DZANK1: variants seen among roughly 807,000 people sequenced by gnomAD.
The protein encoded by DZANK1 is double zinc ribbon and ankyrin repeat domains 1.
DZANK1 carries 91 observed loss-of-function variants against 94.5 expected under a neutral mutation model. That is an observed-to-expected ratio of 0.96 (90% CI 0.81 to 1.15). The LOEUF (loss-of-function observed/expected upper bound fraction) is 1.15. DZANK1 is among the 50% of genes most tolerant of loss of function. The pLI is 0.00. For synonymous variants in DZANK1, 312 were observed against 325.3 expected (o/e 0.96, Z 0.44); for missense variants, 903 against 916.4 (o/e 0.99, Z 0.19).
chr20:18,443,764 T>C (rs775071276), intron 7 of DZANK1, among the ~76,000 whole-genome samples: 43 of 152,202 alleles, frequency 2.8e-4, no homozygotes, highest in Non-Finnish European at 6.0e-4. Flanking sequence ...GCTCGGGCTC[T>C]GGCTTGTCCT....
intron 3 of DZANK1, among the ~76,000 whole-genome samples, chr20:18,455,868 A>T (rs755029352): frequency 2.6e-5 from 4 of 152,186 alleles, no homozygotes; most frequent in Non-Finnish European, 5.9e-5. Context: ...AGGTAGTCAG[A>T]CTTCCTCCAT....
At chr20:18,427,345 G>T (rs947787887) in intron 9 of DZANK1, among the ~76,000 whole-genome samples, 186 bp from the exon 10 acceptor site, 53 of 146,542 alleles carry the variant, frequency 3.6e-4, no homozygotes, top group African/African-American at 7.2e-4. Flanking sequence ...GTTTTTTTGG[G>T]TTTTTTTTTT....
intron 10 of DZANK1, among the ~76,000 whole-genome samples, chr20:18,424,220 C>T (rs937259205): frequency 3.3e-5 from 5 of 152,088 alleles, no homozygotes; most frequent in African/African-American, 9.7e-5. Context: ...GAGGCCAAGG[C>T]GGGTGGATCA....
chr20:18,409,553 C>T (rs556429295), intron 13 of DZANK1, among the ~76,000 whole-genome samples: 513 of 50,614 alleles, frequency 0.01, 2 homozygotes, highest in African/African-American at 0.026. Context: ...AATATGAATA[C>T]ACACACACAC....
intron 17 of DZANK1, among the ~76,000 whole-genome samples, chr20:18,391,139 G>A (rs971790681): frequency 1.3e-5 from 2 of 152,080 alleles, no homozygotes; most frequent in Admixed American, 1.3e-4. Flanking sequence ...TGCAGTGAGC[G>A]GAGATCATAC....
chr20:18,453,082 T>G (rs2059161285), intron 5 of DZANK1, among the ~76,000 whole-genome samples: 3 of 152,224 alleles, frequency 2.0e-5, no homozygotes, highest in Non-Finnish European at 4.4e-5. Context: ...CAGCCCCCTC[T>G]TTGCATGCCT....
At chr20:18,388,140 G>C (rs79448609) in intron 19 of DZANK1, among the ~76,000 whole-genome samples, 3,014 of 152,240 alleles carry the variant, frequency 0.02, 111 homozygotes, top group African/African-American at 0.069. Flanking sequence ...CACTGGAAAG[G>C]AAGAAGAGAT....
rs1174685638 is a variant in DZANK1, at chr20:18,427,966, C to T, written c.862-807G>A. Among the ~76,000 whole-genome samples the T allele has an allele frequency of 5.3e-5, 8 of 151,520 alleles. No homozygotes were observed. In the South Asian group the frequency reaches 6.3e-4, roughly 12 times the overall value. On this transcript the variant is annotated intron_variant, in intron 9 of 20. Coordinates refer to ENST00000262547, the Ensembl canonical transcript of DZANK1. ...GAGATTGAGACCATCCTGGCTAACA[C>T]GGTGAAACCCCGTCTCTACTAAAAA... is the stretch of plus-strand genomic sequence containing the variant.
chr20:18,386,508 G>A (rs1369007659), intron 19 of DZANK1, among the ~76,000 whole-genome samples: 2 of 152,092 alleles, frequency 1.3e-5, no homozygotes, highest in Non-Finnish European at 2.9e-5. Flanking sequence ...ATGAGACTAT[G>A]AAAAAGAAAC....
At chr20:18,436,472 G>A (rs937522488) in intron 8 of DZANK1, among the ~76,000 whole-genome samples, 1 of 151,186 alleles carries the variant, frequency 6.6e-6, no homozygotes, top group Admixed American at 6.6e-5. Context: ...TCACCAGAGC[G>A]ACTCAACAGC....
At chr20:18,401,361 A>C (rs562824599) in intron 13 of DZANK1, among the ~76,000 whole-genome samples, 1 of 152,348 alleles carries the variant, frequency 6.6e-6, no homozygotes, top group South Asian at 2.1e-4. Context: ...GAGGGAATTC[A>C]AAGGGACTAG....
intron 8 of DZANK1, among the ~76,000 whole-genome samples, chr20:18,435,478 A>G (rs562849570): frequency 6.6e-6 from 1 of 152,320 alleles, no homozygotes; most frequent in East Asian, 1.9e-4. Context: ...CATCGTTCTC[A>G]GCAAACTAAC....
intron 19 of DZANK1, among the ~76,000 whole-genome samples, chr20:18,386,969 T>C (rs1355756925): frequency 2.0e-5 from 3 of 152,196 alleles, no homozygotes; most frequent in Middle Eastern, 3.2e-3. Flanking sequence ...ACACTGCTGA[T>C]AAAGACATAC....
chr20:18,391,681 G>A (rs562136150), intron 17 of DZANK1, among the ~76,000 whole-genome samples: 1 of 152,358 alleles, frequency 6.6e-6, no homozygotes, highest in African/African-American at 2.4e-5. Flanking sequence ...GGGCATGGCT[G>A]TGGGGTGGTC....
intron 13 of DZANK1, among the ~76,000 whole-genome samples, chr20:18,407,279 T>C (rs1390031044): frequency 1.3e-5 from 2 of 152,168 alleles, no homozygotes; most frequent in Non-Finnish European, 2.9e-5. Flanking sequence ...ACTGTATGTC[T>C]GGGAAAAAGA....
At chr20:18,413,192 A>G in intron 12 of DZANK1, 1 of 303,188 alleles carries the variant, frequency 3.3e-6, no homozygotes, top group East Asian at 6.1e-5. Flanking sequence ...ACTGGTCACC[A>G]ACATTTTCTC....
intron 8 of DZANK1, among the ~76,000 whole-genome samples, chr20:18,436,245 A>T (rs1016119686): frequency 2.6e-5 from 4 of 152,188 alleles, no homozygotes; most frequent in Non-Finnish European, 4.4e-5. Context: ...ATTTTTTTAA[A>T]AAAAGAATTC....
intron 2 of DZANK1, among the ~76,000 whole-genome samples, chr20:18,464,270 G>A (rs2059570386): frequency 6.6e-6 from 1 of 151,928 alleles, no homozygotes; most frequent in Non-Finnish European, 1.5e-5. Flanking sequence ...ACAGGAGGCT[G>A]GTCTCAAGCT....
intron 13 of DZANK1, among the ~76,000 whole-genome samples, chr20:18,408,378 G>C (rs1368218234): frequency 2.0e-5 from 3 of 152,118 alleles, no homozygotes; most frequent in African/African-American, 7.2e-5. Context: ...CCCAAACCTA[G>C]AGAAAACTAT....
Sources: allele counts gnomAD v4.1 joint callset (sites outside exome capture counted in the v4.1 genomes callset), GRCh38; gene constraint gnomAD v4.1.1; transcripts MANE v1.5; gene names NCBI Gene and HGNC (gene_info 2026-07-23, HGNC 2026-07-21).